Variants in BMPR1A observed in about 807,000 individuals in gnomAD.
BMPR1A encodes bone morphogenetic protein receptor type 1A.
A neutral mutation model predicts 66.0 loss-of-function variants in BMPR1A; 7 were observed. The observed-to-expected ratio is 0.11, with a 90% CI of 0.06 to 0.20. The LOEUF (loss-of-function observed/expected upper bound fraction) is 0.20, where lower values mean the gene tolerates loss of function less well. BMPR1A is among the 10% of genes least tolerant of loss of function. BMPR1A has a pLI of 1.00. For synonymous variants in BMPR1A, 200 were observed against 229.7 expected (o/e 0.87, Z 1.17); for missense variants, 408 against 669.1 (o/e 0.61, Z 4.31).
At chr10:86,886,094 C>T (rs928881522) in intron 3 of BMPR1A, among the ~76,000 whole-genome samples, 1 of 152,090 alleles carries the variant, frequency 6.6e-6, no homozygotes, top group Admixed American at 6.5e-5. Context: ...AACCTATACC[C>T]CCAGTCCACC....
chr10:86,760,199 T>G (rs1298708890), intron 1 of BMPR1A, among the ~76,000 whole-genome samples: 3 of 149,046 alleles, frequency 2.0e-5, no homozygotes, highest in Admixed American at 6.7e-5. Context: ...TTTTTTTTTT[T>G]TTTTTTTTTT....
chr10:86,887,281 G>C (rs909675638), intron 3 of BMPR1A, among the ~76,000 whole-genome samples: 6 of 152,052 alleles, frequency 3.9e-5, no homozygotes, highest in African/African-American at 1.2e-4. Context: ...GCACATAATA[G>C]ACCCCTACTA....
intron 2 of BMPR1A, among the ~76,000 whole-genome samples, chr10:86,874,107 A>G (rs1433076826): frequency 6.6e-6 from 1 of 152,240 alleles, no homozygotes; most frequent in Non-Finnish European, 1.5e-5. Context: ...ATTCAGGAAT[A>G]GTTCAAGCTG....
At chr10:86,763,334 AAAT>A (rs1427465392) in intron 1 of BMPR1A, among the ~76,000 whole-genome samples, 1 of 152,218 alleles carries the variant, frequency 6.6e-6, no homozygotes, top group East Asian at 1.9e-4. Flanking sequence ...AATTTTTTAT[AAAT>A]AATGTCTGAT....
intron 8 of BMPR1A, among the ~76,000 whole-genome samples, chr10:86,915,709 G>A (rs1204690176): frequency 5.3e-5 from 8 of 152,072 alleles, no homozygotes; most frequent in Admixed American, 4.6e-4. Flanking sequence ...CCTGAGCAAC[G>A]GAGCGAGACT....
intron 1 of BMPR1A, among the ~76,000 whole-genome samples, chr10:86,777,876 G>T (rs904251081): frequency 1.1e-4 from 16 of 152,028 alleles, no homozygotes; most frequent in African/African-American, 3.9e-4. Context: ...AGCCAGGCAT[G>T]GTGGTGCATG....
chr10:86,903,938 C>T (rs1421731078), intron 7 of BMPR1A, among the ~76,000 whole-genome samples: 1 of 152,142 alleles, frequency 6.6e-6, no homozygotes, highest in African/African-American at 2.4e-5. Context: ...AGGTCTTGCT[C>T]TGTCACCCAG....
intron 2 of BMPR1A, among the ~76,000 whole-genome samples, chr10:86,861,080 A>G (rs1320787264): frequency 2.6e-5 from 4 of 152,032 alleles, no homozygotes; most frequent in East Asian, 2.0e-4. Context: ...TGACCTTGTG[A>G]TCCGCCATCC....
At chr10:86,874,501 G>T (rs1198040374) in intron 2 of BMPR1A, among the ~76,000 whole-genome samples, 1 of 151,802 alleles carries the variant, frequency 6.6e-6, no homozygotes, top group South Asian at 2.1e-4. Flanking sequence ...CGCTTACTGG[G>T]TTCAAGCCAT....
intron 1 of BMPR1A, among the ~76,000 whole-genome samples, chr10:86,828,956 G>A: frequency 6.6e-6 from 1 of 152,160 alleles, no homozygotes; most frequent in East Asian, 1.9e-4. Context: ...AGGATAAATT[G>A]CAAAAGAACA....
In BMPR1A at chr10:86,835,266, G is replaced by GA. The variant is rs1198832979; in HGVS notation, c.-267-3591dup. ...GAAAAAAAGAAAAAAAAAAAAAACA[G>GA]AAAAAAAACAAACAAGTGTCCAGGA... On this transcript the variant is annotated intron_variant, in intron 1 of 12. Coordinates refer to ENST00000372037, the MANE Select transcript of BMPR1A (RefSeq NM_004329.3). Among the ~76,000 whole-genome samples the GA allele has an allele frequency of 2.8e-5, 4 of 141,296 alleles. No homozygotes were observed. The East Asian group carries it at 6.4e-4, about 23-fold the overall frequency. 92.7% of individuals were successfully genotyped at this position (141,296 alleles called of 152,430 possible). A position where few individuals can be genotyped will look rare whatever the true frequency, so the allele number is the denominator to read the frequency against.
At chr10:86,790,175 AAAAAAAAAAAAAAATAT>A (rs1283669902) in intron 1 of BMPR1A, among the ~76,000 whole-genome samples, 45 of 41,124 alleles carry the variant, frequency 1.1e-3, no homozygotes, top group Non-Finnish European at 1.6e-3. Context: ...AAAAAAAAAA[AAAAAAAAAAAAAAATAT>A]ATATATATAT....
chr10:86,909,064 T>TA (rs1321378138), intron 7 of BMPR1A, among the ~76,000 whole-genome samples: 3 of 152,198 alleles, frequency 2.0e-5, no homozygotes, highest in African/African-American at 7.2e-5. Flanking sequence ...ACAGTCATGT[T>TA]ATACAGCGAG....
intron 1 of BMPR1A, among the ~76,000 whole-genome samples, chr10:86,815,233 C>T (rs189466338): frequency 2.8e-4 from 42 of 152,276 alleles, no homozygotes; most frequent in African/African-American, 6.7e-4. Flanking sequence ...GTTATTTTTC[C>T]GTTATGAAAC....
chr10:86,913,414 C>T (rs537832223), intron 8 of BMPR1A, among the ~76,000 whole-genome samples: 126 of 151,596 alleles, frequency 8.3e-4, no homozygotes, highest in African/African-American at 2.9e-3. Flanking sequence ...AGGTGTGAAC[C>T]ACCGCACCCA....
intron 1 of BMPR1A, among the ~76,000 whole-genome samples, chr10:86,797,063 C>CTTTTCTTT (rs1554879653): frequency 5.3e-5 from 6 of 113,976 alleles, no homozygotes; most frequent in Non-Finnish European, 1.1e-4. Context: ...TTTTTCTTTT[C>CTTTTCTTT]TTTTCTTTTT....
At chr10:86,823,797 G>A (rs1842154471) in intron 1 of BMPR1A, among the ~76,000 whole-genome samples, 1 of 152,168 alleles carries the variant, frequency 6.6e-6, no homozygotes. Context: ...GAATGCTCGT[G>A]TGAACTTGCA....
At position 86,923,851 on chromosome 10, in the gene BMPR1A, C is replaced by G. The variant is rs1189935425; in HGVS notation, c.*132C>G. 5.8e-6 allele frequency: 7 copies of G among 1,204,854 alleles called. No homozygotes were observed. The highest frequency in any genetic ancestry group is 7.2e-6 in the Non-Finnish European group (6 of 827,834). The allele number at this position is 1,204,854 out of a possible 1,614,324, so 74.6% of individuals were successfully genotyped here. A position where few individuals can be genotyped will look rare whatever the true frequency, so the allele number is the denominator to read the frequency against. On this transcript the variant is annotated 3_prime_UTR_variant, in exon 13 of 13. Coordinates refer to ENST00000372037, the MANE Select transcript of BMPR1A (RefSeq NM_004329.3). ...TTCTTCACTACGTGTTCACAGGCTGCTAATATTAAACCTTTCAGTACTCTT... is the reference window on the plus strand; with the variant it reads ...TTCTTCACTACGTGTTCACAGGCTGGTAATATTAAACCTTTCAGTACTCTT...
chr10:86,874,483 G>A (rs1037553770), intron 2 of BMPR1A, among the ~76,000 whole-genome samples: 6 of 152,000 alleles, frequency 3.9e-5, no homozygotes, highest in Non-Finnish European at 5.9e-5. Flanking sequence ...TCAGCTTACT[G>A]CAAGCTTCGC....
Sources: gnomAD v4.1 joint callset for allele counts (sites outside exome capture counted in the v4.1 genomes callset) on GRCh38, gnomAD v4.1.1 for gene constraint, MANE v1.5 for transcripts, NCBI Gene and HGNC (gene_info 2026-07-23, HGNC 2026-07-21) for gene names.